DDX18: variants seen among roughly 807,000 people sequenced by gnomAD.
DDX18 encodes ATP-dependent RNA helicase DDX18.
In DDX18, 23 loss-of-function variants were observed where a neutral mutation model predicts 73.5. The observed-to-expected ratio is 0.31, with a 90% CI of 0.23 to 0.44. The LOEUF is 0.44. Ranked by LOEUF, DDX18 falls within the 20% of genes least tolerant of loss-of-function variation. The pLI is 1.00. For synonymous variants in DDX18, 268 were observed against 282.7 expected, an observed-to-expected ratio of 0.95 and a Z score of 0.52; for missense variants, 753 against 792.9, an observed-to-expected ratio of 0.95 and a Z score of 0.60.
chr2:117,825,693 A>G, intron 10 of DDX18, 94 bp downstream of exon 10: 1 of 1,462,680 alleles, frequency 6.8e-7, no homozygotes, highest in South Asian at 1.3e-5. Flanking sequence ...TTCCACATTC[A>G]AGGTAAAGAT....
At chr2:117,815,901 C>T (rs541305854) in intron 1 of DDX18, among the ~76,000 whole-genome samples, 5 of 152,072 alleles carry the variant, frequency 3.3e-5, no homozygotes, top group Admixed American at 1.3e-4. Flanking sequence ...GTTACACAAA[C>T]CTAAATCTAC....
Position 117,819,556 on chromosome 2 carries a change from C to T in DDX18, c.371-93C>T, listed in dbSNP as rs553456687. 371 of 1,154,712 alleles carry T rather than the reference C, an allele frequency of 3.2e-4. 1 individual carries two copies. In the African/African-American group the frequency reaches 3.8e-3, roughly 12 times the overall value. 71.5% of individuals were successfully genotyped at this position (1,154,712 alleles called of 1,614,324 possible). A position where few individuals can be genotyped will look rare whatever the true frequency, so the allele number is the denominator to read the frequency against. ...CATATACTTAGCTTTTGAAAATATA[C>T]GTCTTTATATCAGAGATCTTCTGTT... On this transcript the variant is annotated intron_variant, in intron 2 of 13. Coordinates refer to ENST00000263239, the MANE Select transcript of DDX18 (RefSeq NM_006773.4).
intron 5 of DDX18, 42 bp downstream of exon 5, chr2:117,821,792 G>C (rs776106790): frequency 4.3e-6 from 7 of 1,613,426 alleles, no homozygotes; most frequent in Non-Finnish European, 5.1e-6. Context: ...TTTCACTAGA[G>C]GTTTATTGTA....
intron 8 of DDX18, 32 bp from the exon 9 acceptor site, chr2:117,824,908 C>A (rs1679899991): frequency 1.9e-6 from 3 of 1,571,760 alleles, no homozygotes; most frequent in South Asian, 1.2e-5. Context: ...CCACTTGGTT[C>A]ATTTGTATCT....
intron 7 of DDX18, chr2:117,822,742 C>T (rs1439469268): frequency 1.9e-5 from 3 of 156,280 alleles, no homozygotes; most frequent in African/African-American, 4.8e-5. Flanking sequence ...GACATCATCG[C>T]TGCAATCAAG....
At chr2:117,814,970 C>A in intron 1 of DDX18, 108 bp downstream of exon 1, 3 of 1,144,264 alleles carry the variant, frequency 2.6e-6, no homozygotes, top group Non-Finnish European at 3.9e-6. Context: ...GCTTCCCCTG[C>A]AGCGTGTGTG....
chr2:117,821,831 C>T (rs1412472221), intron 5 of DDX18, 31 bp from the exon 6 acceptor site: 2 of 1,613,542 alleles, frequency 1.2e-6, no homozygotes, highest in East Asian at 2.2e-5. Flanking sequence ...GTGACAGCCA[C>T]ATTTAGACTT....
chr2:117,822,158 A>G lies in DDX18; in HGVS notation c.963A>G (p.Gly321=). The change falls in exon 7 of 14, where the codon GGA becomes GGG. Residue 321 remains glycine (G), a synonymous_variant. Coordinates refer to ENST00000263239, the MANE Select transcript of DDX18 (RefSeq NM_006773.4). ...CTTTGTTTTGTTAGAATACCCCAGG[A>G]TTTATGTATAAAAACCTGCAGTGTC... ...RLLDHMQNTP[G]FMYKNLQCLV... 6.2e-7 allele frequency: 1 copy of G among 1,613,868 alleles called. No homozygotes were observed.
chr2:117,829,190 T>C (rs1016145724), intron 12 of DDX18, 99 bp from the exon 13 acceptor site: 2 of 1,331,874 alleles, frequency 1.5e-6, no homozygotes, highest in African/African-American at 3.0e-5. Context: ...TTTAAATGTT[T>C]TCCATGGAGT....
chr2:117,814,933 G>A (rs904638764), intron 1 of DDX18, 71 bp downstream of exon 1: 15 of 1,496,904 alleles, frequency 1.0e-5, no homozygotes, highest in Non-Finnish European at 1.4e-5. Context: ...GCGGCCGGGG[G>A]CCCAGCTGCT....
chr2:117,817,741 T>TA lies in DDX18; in HGVS notation c.370+14dup. 1 of 1,581,544 alleles carries TA rather than the reference T, an allele frequency of 6.3e-7. No homozygotes were observed. Among genetic ancestry groups the TA allele is most frequent in the Non-Finnish European group, 8.5e-7 (1 of 1,169,706 alleles). ...GATGCTGAGCCTGGTAGGTATTTAT[T>TA]ATCTTTGAACTTCAGCCATTTAGTT... On this transcript the variant is annotated intron_variant, in intron 2 of 13. Coordinates refer to ENST00000263239, the MANE Select transcript of DDX18 (RefSeq NM_006773.4).
At chr2:117,821,837 G>T in intron 5 of DDX18, 25 bp from the exon 6 acceptor site, 1 of 1,613,678 alleles carries the variant, frequency 6.2e-7, no homozygotes, top group Non-Finnish European at 8.5e-7. Flanking sequence ...GCCACATTTA[G>T]ACTTCTACCA....
chr2:117,825,635 C>T, intron 10 of DDX18, 36 bp downstream of exon 10: 1 of 1,603,280 alleles, frequency 6.2e-7, no homozygotes, highest in Non-Finnish European at 8.5e-7. Context: ...CAGAATGACT[C>T]TGCATTAAAA....
intron 13 of DDX18, among the ~76,000 whole-genome samples, chr2:117,830,120 C>T (rs1200244158): frequency 6.6e-6 from 1 of 152,188 alleles, no homozygotes; most frequent in Non-Finnish European, 1.5e-5. Flanking sequence ...TCACCATCCC[C>T]ATTGTCAGCA....
Position 117,819,633 on chromosome 2 carries a change from T to A in DDX18, c.371-16T>A, listed in dbSNP as rs1679812027. 3.9e-6 allele frequency: 6 copies of A among 1,553,714 alleles called. No individual in the cohort carries two copies. In the East Asian group the frequency reaches 1.4e-4, roughly 36 times the overall value. On this transcript the variant is annotated splice_polypyrimidine_tract_variant and intron_variant, in intron 2 of 13. Coordinates refer to ENST00000263239, the MANE Select transcript of DDX18 (RefSeq NM_006773.4). The stretch of plus-strand genomic sequence containing the variant: ...TAAGGAAAAATTTTTTCGGATTTTG[T>A]CTTTTAAAACCAAAGATACGAAAAA...
rs745782530 is a variant in DDX18, at chr2:117,829,240, GTTTT to G, written c.1693-47_1693-44del. ...ATATTTAAAATCTGGTGTTTTGGAG[GTTTT>G]TGTTTGTTTTTGTTTATTAAAACCA... is the stretch of plus-strand genomic sequence containing the variant. On this transcript the variant is annotated intron_variant, in intron 12 of 13. Coordinates refer to ENST00000263239, the MANE Select transcript of DDX18 (RefSeq NM_006773.4). 57 of 1,532,218 alleles carry G rather than the reference GTTTT, an allele frequency of 3.7e-5. No individual in the cohort carries two copies. The African/African-American group carries it at 6.7e-4, about 18-fold the overall frequency. 94.9% of individuals were successfully genotyped at this position (1,532,218 alleles called of 1,614,324 possible).
rs748268638 is a variant in DDX18, at chr2:117,821,739, T to C, written c.740T>C (p.Met247Thr). Reference protein sequence around the residue: ...AVELIVKLRFMPRNGTGVLIL... With the variant: ...AVELIVKLRFTPRNGTGVLIL... ...GAACTCATTGTTAAGTTAAGGTTCA[T>C]GCCCAGGAATGGTAAGCGTTCATCT... The change falls in exon 5 of 14, where the codon ATG becomes ACG. Residue 247 changes from methionine to threonine, a missense_variant. Physicochemically the swap from Met to Thr is moderately conservative, Grantham distance 81. Transcript: ENST00000263239. The C allele has an allele frequency of 1.2e-6, 2 of 1,614,052 alleles. No homozygotes were observed. Among genetic ancestry groups the C allele is most frequent in the Admixed American group, 3.3e-5 (2 of 60,000 alleles).
intron 2 of DDX18, among the ~76,000 whole-genome samples, chr2:117,818,488 A>G (rs1443593698): frequency 6.6e-6 from 1 of 152,204 alleles, no homozygotes; most frequent in East Asian, 1.9e-4. Flanking sequence ...TTATTTAGAA[A>G]GGGACTTTGA....
intron 7 of DDX18, chr2:117,822,639 A>G (rs751398666): frequency 6.1e-6 from 1 of 163,286 alleles, no homozygotes; most frequent in Non-Finnish European, 1.3e-5. Context: ...TTCCTTCATT[A>G]TATAATTTAT....
Sources: allele counts gnomAD v4.1 joint callset (sites outside exome capture counted in the v4.1 genomes callset), GRCh38; gene constraint gnomAD v4.1.1; transcripts MANE v1.5; gene names NCBI Gene and HGNC (gene_info 2026-07-23, HGNC 2026-07-21).